Variants in TPCN1 observed in about 807,000 individuals in gnomAD.
TPCN1 encodes the protein two pore segment channel 1, also known as two pore channel protein 1.
In TPCN1, 52 loss-of-function variants were observed where a neutral mutation model predicts 108.8. The ratio of observed to expected loss-of-function variants is 0.48; its 90% CI spans 0.38 to 0.60. TPCN1 has a LOEUF of 0.60. TPCN1 is among the 20% of genes least tolerant of loss of function. The probability of loss-of-function intolerance (pLI) is 0.00; values close to 1 mark genes in which losing one functional copy is unlikely to be tolerated. For synonymous variants in TPCN1, 446 were observed against 433.7 expected (o/e 1.03, Z -0.35); for missense variants, 806 against 1,072.8 (o/e 0.75, Z 3.47).
chr12:113,296,020 G>T lies in TPCN1; in HGVS notation c.2395G>T (p.Ala799Ser). The part of the protein sequence containing the change: ...EQQRQLSSSA[A>S]PAAQQPPGSR... ...GCAGCGACAACTCAGCAGCAGTGCA[G>T]CCCCCGCCGCCCAGCAGCCCCCAGG... Residue 799 changes from alanine to serine, a missense_variant, in exon 28 of 28, where the codon GCC becomes TCC. Ala to Ser is a moderately conservative substitution (Grantham distance 99). Transcript: ENST00000335509. 1 of 1,613,052 alleles carries T rather than the reference G, an allele frequency of 6.2e-7. No homozygotes were observed. The highest frequency in any genetic ancestry group is 8.5e-7 in the Non-Finnish European group (1 of 1,179,814).
chr12:113,250,841 G>A (rs780216551), intron 2 of TPCN1, among the ~76,000 whole-genome samples: 9 of 151,820 alleles, frequency 5.9e-5, no homozygotes, highest in Non-Finnish European at 1.2e-4. Flanking sequence ...CTGTGTGTTG[G>A]TGCATGCCCA....
Position 113,232,155 on chromosome 12 carries a change from T to G in TPCN1, c.112+5191T>G, listed in dbSNP as rs1453304401. 1.3e-5 allele frequency among the ~76,000 whole-genome samples: 2 copies of G among 152,148 alleles called. No homozygotes were observed. The highest frequency in any genetic ancestry group is 4.8e-5 in the African/African-American group (2 of 41,420). ...CGTCTCTGCTTTGGTGCCGGGTTGT[T>G]TATGGTTTTCAGGTGACAGGTCCTG... On this transcript the variant is annotated intron_variant, in intron 2 of 27. Transcript: ENST00000335509. The surrounding 1 kb of genome is among the most constrained non-coding windows in gnomAD (Gnocchi z 5.6).
At position 113,288,955 on chromosome 12, in the gene TPCN1, G is replaced by C. The variant is rs1206316699; in HGVS notation, c.1796+108G>C. The C allele has an allele frequency of 9.0e-7, 1 of 1,115,918 alleles. No individual in the cohort carries two copies. Among genetic ancestry groups the C allele is most frequent in the Non-Finnish European group, 1.3e-6 (1 of 745,210 alleles). 69.1% of individuals were successfully genotyped at this position (1,115,918 alleles called of 1,614,324 possible). On this transcript the variant is annotated intron_variant, in intron 21 of 27. Transcript: ENST00000335509. The surrounding 1 kb of genome is among the most constrained non-coding windows in gnomAD (Gnocchi z 4.8). ...CCTTGGGGTCCTCGGGGATGTTCCT[G>C]TCTAAGCAACCACCTTGCTTTGCTT...
At chr12:113,276,375 AT>A (rs1328548387) in intron 10 of TPCN1, among the ~76,000 whole-genome samples, 1 of 152,148 alleles carries the variant, frequency 6.6e-6, no homozygotes, top group Non-Finnish European at 1.5e-5. Context: ...CTAGAACGTT[AT>A]TTCCTTGCAT....
Position 113,221,506 on chromosome 12 carries a change from C to T in TPCN1, c.-246C>T. ...CTGGTGGCAGTGGCTGAAGTGGCGG[C>T]GGCTTCGGCGGCTGCGGCGGCTGCA... On this transcript the variant is annotated 5_prime_UTR_variant, in exon 1 of 28. Transcript: ENST00000335509. The T allele has an allele frequency of 1.1e-5, 3 of 284,626 alleles. No individual in the cohort carries two copies. The highest frequency in any genetic ancestry group is 2.9e-5 in the South Asian group (1 of 34,232). 17.6% of individuals were successfully genotyped at this position (284,626 alleles called of 1,614,324 possible). A position where few individuals can be genotyped will look rare whatever the true frequency, so the allele number is the denominator to read the frequency against.
chr12:113,286,259 G>T (rs1956070050), intron 18 of TPCN1, among the ~76,000 whole-genome samples: 1 of 152,134 alleles, frequency 6.6e-6, no homozygotes, highest in Non-Finnish European at 1.5e-5. Flanking sequence ...TTCCATAAAA[G>T]CCACAATGCC....
Position 113,296,413 on chromosome 12 carries a change from C to A in TPCN1, c.*337C>A. ...CATGTGGGCTGGCCTCCATCGGCCA[C>A]GTCCAAAGCTGTCACTGCTACTGCT... On this transcript the variant is annotated 3_prime_UTR_variant, in exon 28 of 28. Transcript: ENST00000335509. The A allele has an allele frequency of 3.6e-6, 1 of 276,864 alleles. No individual in the cohort carries two copies. The highest frequency in any genetic ancestry group is 6.9e-6 in the Non-Finnish European group (1 of 145,646). The allele number at this position is 276,864 out of a possible 1,614,324, so 17.2% of individuals were successfully genotyped here. A position where few individuals can be genotyped will look rare whatever the true frequency, so the allele number is the denominator to read the frequency against.
intron 2 of TPCN1, among the ~76,000 whole-genome samples, chr12:113,249,122 A>C (rs1954525285): frequency 6.6e-6 from 1 of 152,162 alleles, no homozygotes; most frequent in Non-Finnish European, 1.5e-5. Flanking sequence ...TATGGCCAGG[A>C]AAATGTGGTC....
In TPCN1 at chr12:113,291,628, C is replaced by T. The variant is rs764369572; in HGVS notation, c.1979C>T (p.Thr660Ile). ...CTCCAGGAAGGCGTCACCTCTCAGA[C>T]CTCCCACTGGAGCCGCCTCTACTTC... ...YIIMEGVTSQ[T>I]SHWSRLYFMT... Residue 660 changes from threonine to isoleucine, a missense_variant, in exon 24 of 28, where the codon ACC (threonine) becomes ATC (isoleucine). By Grantham distance (89) the Thr-to-Ile change is moderately conservative (BLOSUM62 -1). Transcript: ENST00000335509. 1.9e-6 allele frequency: 3 copies of T among 1,613,248 alleles called. No individual in the cohort carries two copies. The highest frequency in any genetic ancestry group is 1.1e-5 in the South Asian group (1 of 90,850).
intron 25 of TPCN1, chr12:113,292,228 G>A: frequency 4.6e-6 from 2 of 433,630 alleles, no homozygotes; most frequent in Non-Finnish European, 4.2e-6. Flanking sequence ...TTATGTGGCA[G>A]CAGCAGCCCC....
chr12:113,240,174 C>T (rs1381062372), intron 2 of TPCN1, among the ~76,000 whole-genome samples: 2 of 152,210 alleles, frequency 1.3e-5, no homozygotes, highest in Non-Finnish European at 2.9e-5. Context: ...GTCCACTCAG[C>T]CTCCAGCCTA....
chr12:113,243,294 C>T (rs970276496), intron 2 of TPCN1, among the ~76,000 whole-genome samples: 1 of 151,914 alleles, frequency 6.6e-6, no homozygotes, highest in African/African-American at 2.4e-5. Flanking sequence ...CACTTGAACC[C>T]GGGAGATGGA....
chr12:113,254,789 A>T (rs61943598), intron 2 of TPCN1, among the ~76,000 whole-genome samples: 8,815 of 152,274 alleles, frequency 0.058, 358 homozygotes, highest in Middle Eastern at 0.071. Context: ...CGGATTAGGG[A>T]TTCTCAAGCT....
At chr12:113,276,066 C>A (rs1208906762) in intron 10 of TPCN1, among the ~76,000 whole-genome samples, 4 of 152,144 alleles carry the variant, frequency 2.6e-5, no homozygotes, top group African/African-American at 9.7e-5. Flanking sequence ...AGAGTCATGC[C>A]CATTTGTTCA....
At chr12:113,267,816 A>C (rs749886050) in intron 4 of TPCN1, 27 bp from the exon 5 acceptor site, 1 of 1,543,722 alleles carries the variant, frequency 6.5e-7, no homozygotes, top group South Asian at 1.1e-5. Flanking sequence ...GCTGGCCATG[A>C]CACATCTCCA....
chr12:113,274,734 A>G (rs1244979995), intron 10 of TPCN1, among the ~76,000 whole-genome samples: 1 of 152,232 alleles, frequency 6.6e-6, no homozygotes, highest in African/African-American at 2.4e-5. Context: ...GGTAGTGAGT[A>G]TGGTTCTCCA....
intron 7 of TPCN1, among the ~76,000 whole-genome samples, chr12:113,271,128 G>T (rs1444031075): frequency 2.0e-5 from 3 of 152,002 alleles, no homozygotes; most frequent in Admixed American, 1.3e-4. Flanking sequence ...GAATTAGCTG[G>T]GTATGGTGGC....
intron 2 of TPCN1, among the ~76,000 whole-genome samples, chr12:113,235,581 C>G (rs1480042494): frequency 6.6e-6 from 1 of 151,544 alleles, no homozygotes; most frequent in Non-Finnish European, 1.5e-5. Context: ...TTCTTGTCAA[C>G]TGAAAAACTA....
rs1349902145 is a variant in TPCN1 at position 113,286,092 on chromosome 12, A to G, written c.1526+131A>G. On this transcript the variant is annotated intron_variant, in intron 18 of 27. Coordinates refer to ENST00000335509, the MANE Select transcript of TPCN1 (RefSeq NM_017901.6). Reference sequence around the variant, plus strand: ...AGGGTCTGAGGATGGGCTGAGGCCTATGTCTCCCTCAAGCAGCCCTGCCCA... The same window carrying G: ...AGGGTCTGAGGATGGGCTGAGGCCTGTGTCTCCCTCAAGCAGCCCTGCCCA... The G allele has an allele frequency of 6.3e-6, 5 of 795,566 alleles. No individual in the cohort carries two copies. In the East Asian group the frequency reaches 1.3e-4, roughly 21 times the overall value. 49.3% of individuals were successfully genotyped at this position (795,566 alleles called of 1,614,324 possible).
Sources: gnomAD v4.1 joint callset for allele counts (sites outside exome capture counted in the v4.1 genomes callset) on GRCh38, gnomAD v4.1.1 for gene constraint, Gnocchi (gnomAD v3.1) non-coding constraint, MANE v1.5 for transcripts, NCBI Gene and HGNC (gene_info 2026-07-23, HGNC 2026-07-21) for gene names.